Variants in ZNF493 observed in about 807,000 individuals in gnomAD.
The protein encoded by ZNF493 is zinc finger protein 493.
A neutral mutation model predicts 12.2 loss-of-function variants in ZNF493; 11 were observed. The observed-to-expected ratio is 0.90, with a 90% CI of 0.57 to 1.50. ZNF493 has a LOEUF of 1.50. Ranked by LOEUF, ZNF493 falls within the 40% of genes most tolerant of loss-of-function variation. The pLI, the probability that ZNF493 is intolerant of heterozygous loss-of-function variation, is 0.00. For synonymous variants in ZNF493, 286 were observed against 302.6 expected, an observed-to-expected ratio of 0.95 and a Z score of 0.57; for missense variants, 950 against 906.6, an observed-to-expected ratio of 1.05 and a Z score of -0.61.
intron 1 of ZNF493, among the ~76,000 whole-genome samples, chr19:21,403,782 G>A (rs2030027539): frequency 6.6e-6 from 1 of 152,106 alleles, no homozygotes. Context: ...TAATGAGTTT[G>A]TTTTAACTAC....
intron 3 of ZNF493, chr19:21,407,781 T>TA: frequency 1.0e-6 from 1 of 985,076 alleles, no homozygotes; most frequent in Non-Finnish European, 1.2e-6. Context: ...TTTTACTTAT[T>TA]TGTCTTCAGT....
intron 3 of ZNF493, among the ~76,000 whole-genome samples, chr19:21,421,966 C>T (rs1191203800): frequency 6.6e-6 from 1 of 152,164 alleles, no homozygotes; most frequent in East Asian, 1.9e-4. Context: ...CTGCCACAGC[C>T]TCCTGAATAG....
chr19:21,405,572 C>A, intron 2 of ZNF493, 189 bp from the exon 3 acceptor site: 1 of 1,211,134 alleles, frequency 8.3e-7, no homozygotes. Context: ...TCCATGAATA[C>A]TGGGTGGCAA....
At chr19:21,411,812 A>C (rs1416480450) in intron 3 of ZNF493, 2 of 151,760 alleles carry the variant, frequency 1.3e-5, no homozygotes, top group Non-Finnish European at 2.9e-5. Flanking sequence ...CACCCAAGCA[A>C]GAGTACAGTG....
chr19:21,419,770 G>A (rs1297808406), intron 3 of ZNF493, among the ~76,000 whole-genome samples: 1 of 152,184 alleles, frequency 6.6e-6, no homozygotes, highest in Non-Finnish European at 1.5e-5. Flanking sequence ...CTGGGCTGGA[G>A]GGAGACTTCA....
At chr19:21,401,620 ATTTAT>A (rs1315102943) in intron 1 of ZNF493, among the ~76,000 whole-genome samples, 4 of 151,156 alleles carry the variant, frequency 2.6e-5, no homozygotes, top group South Asian at 2.1e-4. Flanking sequence ...TTATTTATTT[ATTTAT>A]TTTATTTTAT....
rs147273150 is a variant in ZNF493, at chr19:21,418,527, C to T, written c.254-4386C>T. Among the ~76,000 whole-genome samples the T allele has an allele frequency of 2.6e-3, 391 of 152,262 alleles. 2 individuals are homozygous for T. The highest frequency in any genetic ancestry group is 8.9e-3 in the African/African-American group (370 of 41,530). ...TGGATTCGAGCCCCCATGATGGACGCCACTTGCTGAGACCACCTCGGTCAG... is the reference window on the plus strand; with the variant it reads ...TGGATTCGAGCCCCCATGATGGACGTCACTTGCTGAGACCACCTCGGTCAG... On this transcript the variant is annotated intron_variant, in intron 3 of 3. Transcript: ENST00000392288.
At chr19:21,420,621 A>ATC (rs2030641933) in intron 3 of ZNF493, among the ~76,000 whole-genome samples, 1 of 11,164 alleles carries the variant, frequency 9.0e-5, no homozygotes, top group South Asian at 4.2e-3. Flanking sequence ...ATATATATAT[A>ATC]TATTTTTTTT....
At chr19:21,416,535 TAGAGA>T (rs768042942) in intron 3 of ZNF493, among the ~76,000 whole-genome samples, 13 of 152,200 alleles carry the variant, frequency 8.5e-5, no homozygotes, top group Non-Finnish European at 1.5e-4. Context: ...GCCAATGCTG[TAGAGA>T]AAAGATTGAA....
intron 3 of ZNF493, among the ~76,000 whole-genome samples, chr19:21,420,602 TA>T: frequency 1.6e-4 from 2 of 12,888 alleles, no homozygotes; most frequent in Non-Finnish European, 3.8e-4. Context: ...TATATATATA[TA>T]TATATATATA....
At chr19:21,413,687 C>T (rs1395505433) in intron 3 of ZNF493, 3 of 400,874 alleles carry the variant, frequency 7.5e-6, no homozygotes, top group Non-Finnish European at 1.3e-5. Context: ...TTGATTTTGG[C>T]CTGGAGGAAC....
chr19:21,400,604 A>C (rs1238835512), intron 1 of ZNF493, among the ~76,000 whole-genome samples: 1 of 152,152 alleles, frequency 6.6e-6, no homozygotes, highest in Non-Finnish European at 1.5e-5. Context: ...TTAAAGGCCT[A>C]GTTAGTTTTT....
At chr19:21,404,920 G>A (rs111262946) in intron 1 of ZNF493, among the ~76,000 whole-genome samples, 1,582 of 152,262 alleles carry the variant, frequency 0.01, 17 homozygotes, top group Middle Eastern at 0.092. Flanking sequence ...ATACAGTGGT[G>A]TTGTAGATCT....
chr19:21,405,430 T>C, intron 2 of ZNF493, 175 bp downstream of exon 2: 5 of 1,425,114 alleles, frequency 3.5e-6, no homozygotes, highest in Non-Finnish European at 4.6e-6. Flanking sequence ...ATGTTTTATC[T>C]TGGCCTGATC....
chr19:21,403,053 G>A (rs369970077), intron 1 of ZNF493, among the ~76,000 whole-genome samples: 86 of 152,338 alleles, frequency 5.6e-4, no homozygotes, highest in African/African-American at 1.9e-3. Flanking sequence ...ACTGAGAACC[G>A]TCTCACAATC....
rs1599383602 is a variant in ZNF493 at position 21,425,420 on chromosome 19, T to A, written c.*436T>A. 1 of 439,872 alleles carries A rather than the reference T, an allele frequency of 2.3e-6. No individual in the cohort carries two copies. The highest frequency in any genetic ancestry group is 4.7e-5 in the East Asian group (1 of 21,140). The allele number at this position is 439,872 out of a possible 1,614,324, so 27.2% of individuals were successfully genotyped here. A position where few individuals can be genotyped will look rare whatever the true frequency, so the allele number is the denominator to read the frequency against. On this transcript the variant is annotated 3_prime_UTR_variant, in exon 4 of 4. Transcript: ENST00000392288. ...ACCTTACTAAACATAAAATAATTCA[T>A]AAAGGAGATAAATTATACAAATGTG...
chr19:21,419,927 C>A (rs532010561), intron 3 of ZNF493, among the ~76,000 whole-genome samples: 2 of 152,116 alleles, frequency 1.3e-5, no homozygotes, highest in African/African-American at 2.4e-5. Context: ...GGTGCCAACC[C>A]CCACATGATT....
Position 21,404,459 on chromosome 19 carries a change from T to C in ZNF493, c.31-670T>C, listed in dbSNP as rs10410762. Among the ~76,000 whole-genome samples, 960 of 152,364 alleles carry C rather than the reference T, an allele frequency of 6.3e-3. 12 individuals are homozygous for C. Among genetic ancestry groups the C allele is most frequent in the African/African-American group, 0.022 (908 of 41,594 alleles). On this transcript the variant is annotated intron_variant, in intron 1 of 3. Transcript: ENST00000392288. ...TTCTCTTCATTATTAAGTATCTTTA[T>C]GTAGCTAAGGAAGAGCTGTGCATAA...
chr19:21,420,076 A>C (rs1270580940), intron 3 of ZNF493, among the ~76,000 whole-genome samples: 1 of 151,046 alleles, frequency 6.6e-6, no homozygotes, highest in Non-Finnish European at 1.5e-5. Flanking sequence ...GGTGCCTAGA[A>C]GACTTCTGGC....
Sources: allele counts gnomAD v4.1 joint callset (sites outside exome capture counted in the v4.1 genomes callset), GRCh38; gene constraint gnomAD v4.1.1; transcripts MANE v1.5; gene names NCBI Gene and HGNC (gene_info 2026-07-23, HGNC 2026-07-21).